The following TENM2 variants were observed in gnomAD, a reference collection of about 807,000 sequenced individuals.
The protein encoded by TENM2 is teneurin-2.
Under a neutral mutation model 245.2 loss-of-function variants are expected in TENM2, and 52 were observed. That is an observed-to-expected ratio of 0.21 (90% CI 0.17 to 0.27). The LOEUF (loss-of-function observed/expected upper bound fraction) is 0.27, where lower values mean the gene tolerates loss of function less well. Among genes scored for constraint, TENM2 ranks in the 10% least tolerant of loss-of-function variants. The probability of loss-of-function intolerance (pLI) is 1.00; values close to 1 mark genes in which losing one functional copy is unlikely to be tolerated. For synonymous variants in TENM2, 1,363 were observed against 1,438.9 expected (o/e 0.95, Z 1.19); for missense variants, 3,046 against 3,666.8 (o/e 0.83, Z 4.37).
intron 2 of TENM2, among the ~76,000 whole-genome samples, chr5:167,428,800 C>T (rs1342247697): frequency 6.6e-6 from 1 of 152,150 alleles, no homozygotes; most frequent in African/African-American, 2.4e-5. Flanking sequence ...CGAGGCCGAG[C>T]TCAGTGCATA....
rs1223164513 is a variant in TENM2 at position 168,262,401 on chromosome 5, G to A, written c.7916G>A (p.Gly2639Asp). 3.1e-6 allele frequency: 5 copies of A among 1,588,920 alleles called. No individual in the cohort carries two copies. In the African/African-American group the frequency reaches 6.7e-5, roughly 21 times the overall value. Residue 2639 changes from glycine (G) to aspartate (D), a missense_variant, in exon 29 of 29, where the codon GGC becomes GAC. Physicochemically the swap from Gly to Asp is moderately conservative, Grantham distance 94 (BLOSUM62 -1). Coordinates refer to ENST00000518659, the Ensembl canonical transcript of TENM2. ...CTGGTCACACTAGGCACCACCATCG[G>A]CCGCAAGGTGCTAGAGAGCGGGGTG...
At chr5:167,498,357 C>T (rs1345420207) in intron 2 of TENM2, among the ~76,000 whole-genome samples, 2 of 152,074 alleles carry the variant, frequency 1.3e-5, no homozygotes, top group Non-Finnish European at 2.9e-5. Context: ...TGAATTCTTA[C>T]GTCAATGATC....
chr5:167,711,784 G>A (rs72830085), intron 2 of TENM2, among the ~76,000 whole-genome samples: 9,203 of 152,104 alleles, frequency 0.061, 299 homozygotes, highest in South Asian at 0.087. Flanking sequence ...GAATACCAAG[G>A]TCATGCAAGT....
At chr5:167,466,212 A>G (rs745339250) in intron 2 of TENM2, among the ~76,000 whole-genome samples, 12 of 152,148 alleles carry the variant, frequency 7.9e-5, no homozygotes, top group Non-Finnish European at 1.3e-4. Flanking sequence ...TGCTATTTCA[A>G]TGTCCAGAGA....
chr5:167,394,922 G>A (rs1761968382), intron 2 of TENM2, among the ~76,000 whole-genome samples: 1 of 152,142 alleles, frequency 6.6e-6, no homozygotes, highest in Admixed American at 6.6e-5. Context: ...ATCAGGACAT[G>A]TGATGCCTCC....
the TENM2 span, among the ~76,000 whole-genome samples, chr5:167,158,905 TTC>T: frequency 1.4e-5 from 2 of 142,154 alleles, no homozygotes; most frequent in African/African-American, 2.8e-5. Flanking sequence ...CCTTCCTTCC[TTC>T]CTCTTCCTCT....
At chr5:167,245,537 C>T in the TENM2 span, among the ~76,000 whole-genome samples, 3 of 149,656 alleles carry the variant, frequency 2.0e-5, no homozygotes, top group Non-Finnish European at 3.0e-5. Flanking sequence ...AATGTATCCT[C>T]AGGAAATGAA....
chr5:167,038,268 C>T, the TENM2 span, among the ~76,000 whole-genome samples: 3 of 152,160 alleles, frequency 2.0e-5, no homozygotes, highest in African/African-American at 4.8e-5. Context: ...GCTAGTCACA[C>T]GAGGTCTTTT....
chr5:167,324,560 C>T (rs953566107), intron 1 of TENM2, among the ~76,000 whole-genome samples: 11 of 151,992 alleles, frequency 7.2e-5, no homozygotes, highest in Middle Eastern at 3.4e-3. Flanking sequence ...GTAATTCCAT[C>T]TTTCTCTTTT....
rs145330280 is a variant in TENM2, at chr5:167,397,293, AT to A, written c.502+21821del. Among the ~76,000 whole-genome samples, 396 of 152,246 alleles carry A rather than the reference AT, an allele frequency of 2.6e-3. 1 individual carries two copies. The highest frequency in any genetic ancestry group is 9.1e-3 in the African/African-American group (379 of 41,578). ...AAATAGAAAGGCAAACTCAAAAAAA[AT>A]GAAAGATAAGAAAATATTATCTTGT... is the stretch of plus-strand genomic sequence containing the variant. On this transcript the variant is annotated intron_variant, in intron 2 of 28. Transcript: ENST00000518659.
the TENM2 span, among the ~76,000 whole-genome samples, chr5:167,032,562 A>G: frequency 1.3e-5 from 2 of 152,182 alleles, no homozygotes; most frequent in South Asian, 4.1e-4. Flanking sequence ...GAATATTGTA[A>G]TGTGTGAGTT....
chr5:167,805,364 T>A (rs1159089584), intron 2 of TENM2, among the ~76,000 whole-genome samples: 2 of 152,186 alleles, frequency 1.3e-5, no homozygotes, highest in Non-Finnish European at 2.9e-5. Flanking sequence ...ACAATCGTCC[T>A]GAGAAAAGGT....
chr5:167,673,505 T>C (rs1273102367), intron 2 of TENM2, among the ~76,000 whole-genome samples: 2 of 152,112 alleles, frequency 1.3e-5, no homozygotes, highest in East Asian at 3.9e-4. Flanking sequence ...CTAAGATGCA[T>C]AGAACATCCA....
chr5:167,315,333 T>C (rs1438190606), intron 1 of TENM2, among the ~76,000 whole-genome samples: 1 of 152,182 alleles, frequency 6.6e-6, no homozygotes, highest in African/African-American at 2.4e-5. Flanking sequence ...TGTTAACTTA[T>C]GTTTAAACAA....
chr5:167,584,845 C>G (rs1775371332), intron 2 of TENM2, among the ~76,000 whole-genome samples: 1 of 152,040 alleles, frequency 6.6e-6, no homozygotes. Context: ...CAGGCGCCCG[C>G]CACCACGCCC....
chr5:168,236,963 T>C (rs1562318691), intron 25 of TENM2, among the ~76,000 whole-genome samples: 151 of 3,694 alleles, frequency 0.041, 9 homozygotes, highest in Non-Finnish European at 0.085. Context: ...TATATATATA[T>C]ATATATATAT....
chr5:167,564,779 A>T (rs529342816), intron 2 of TENM2, among the ~76,000 whole-genome samples: 1 of 152,156 alleles, frequency 6.6e-6, no homozygotes, highest in Non-Finnish European at 1.5e-5. Flanking sequence ...AGGCCAGAAA[A>T]GGCTTTCTTT....
At chr5:168,111,712 C>T (rs1051223836) in intron 9 of TENM2, among the ~76,000 whole-genome samples, 1 of 152,112 alleles carries the variant, frequency 6.6e-6, no homozygotes, top group African/African-American at 2.4e-5. Flanking sequence ...GATTTGCTGC[C>T]ATCCACTGGG....
At chr5:167,142,370 T>C in the TENM2 span, among the ~76,000 whole-genome samples, 2,535 of 152,188 alleles carry the variant, frequency 0.017, 63 homozygotes, top group African/African-American at 0.057. Flanking sequence ...TTCCAAGTCA[T>C]TGAGTCTCAT....
Sources: allele counts gnomAD v4.1 joint callset (sites outside exome capture counted in the v4.1 genomes callset), GRCh38; gene constraint gnomAD v4.1.1; transcripts MANE v1.5; gene names NCBI Gene and HGNC (gene_info 2026-07-23, HGNC 2026-07-21).